The following MALT1 variants were observed in gnomAD, a reference collection of about 807,000 sequenced individuals.
MALT1 encodes the protein mucosa-associated lymphoid tissue lymphoma translocation protein 1.
In MALT1, 36 loss-of-function variants were observed where a neutral mutation model predicts 85.5. That is an observed-to-expected ratio of 0.42 (90% CI 0.32 to 0.56). The LOEUF is 0.56. Among genes scored for constraint, MALT1 ranks in the 20% least tolerant of loss-of-function variants. The probability of loss-of-function intolerance (pLI) is 0.10; values close to 1 mark genes in which losing one functional copy is unlikely to be tolerated. For missense variants in MALT1, 716 were observed against 981.6 expected, an observed-to-expected ratio of 0.73 and a Z score of 3.62; for synonymous variants, 359 against 361.3, an observed-to-expected ratio of 0.99 and a Z score of 0.07.
intron 2 of MALT1, among the ~76,000 whole-genome samples, chr18:58,694,533 A>G (rs984298830): frequency 5.3e-5 from 8 of 152,236 alleles, no homozygotes; most frequent in African/African-American, 1.7e-4. Context: ...AGTTTTAATT[A>G]TCTTTTTCTT....
At position 58,753,850 on chromosome 18, in the gene MALT1, A is replaced by C. The variant is rs1323980118; in HGVS notation, c.*6008A>C. The C allele has an allele frequency of 6.6e-6, 1 of 152,250 alleles. No individual in the cohort carries two copies. The highest frequency in any genetic ancestry group is 1.5e-5 in the Non-Finnish European group (1 of 68,042). 9.4% of individuals were successfully genotyped at this position (152,250 alleles called of 1,614,324 possible). On this transcript the variant is annotated 3_prime_UTR_variant, in exon 17 of 17. Coordinates refer to ENST00000649217, the MANE Select transcript of MALT1 (RefSeq NM_006785.4). ...CAGTTTAAAAGTACAGTGTCATTAC[A>C]GAGTGCTTATTCTGTTACAAAATTA...
Position 58,733,584 on chromosome 18 carries a change from C to T in MALT1, c.1400+10C>T. The T allele has an allele frequency of 6.4e-7, 1 of 1,559,518 alleles. No homozygotes were observed. On this transcript the variant is annotated intron_variant, in intron 11 of 16. Transcript: ENST00000649217. ...ATATGTGTAGGAAAAGGTAAGTTTTCTAATCTTTATTAAAGAATTGTTGGA... is the reference window on the plus strand; with the variant it reads ...ATATGTGTAGGAAAAGGTAAGTTTTTTAATCTTTATTAAAGAATTGTTGGA...
In MALT1 at chr18:58,747,388, A is replaced by AT. The variant is rs758288645; in HGVS notation, c.2038-10dup. The stretch of plus-strand genomic sequence containing the variant: ...ACTGTTGATGCCAATAATAAACCAG[A>AT]TTTTTTTCCTTTTCAGGAACATCTA... On this transcript the variant is annotated splice_polypyrimidine_tract_variant and intron_variant, in intron 16 of 16. Coordinates refer to ENST00000649217, the MANE Select transcript of MALT1 (RefSeq NM_006785.4). 12 of 1,558,760 alleles carry AT rather than the reference A, an allele frequency of 7.7e-6. No individual in the cohort carries two copies. Among genetic ancestry groups the AT allele is most frequent in the Admixed American group, 7.0e-5 (4 of 57,308 alleles).
intron 4 of MALT1, among the ~76,000 whole-genome samples, chr18:58,701,369 AC>A (rs2054670163): frequency 6.6e-6 from 1 of 152,022 alleles, no homozygotes; most frequent in Non-Finnish European, 1.5e-5. Flanking sequence ...CATCTTGAAT[AC>A]CTTTTCTGTC....
chr18:58,695,871 G>A (rs1311382294), intron 2 of MALT1, among the ~76,000 whole-genome samples: 1 of 152,218 alleles, frequency 6.6e-6, no homozygotes, highest in African/African-American at 2.4e-5. Flanking sequence ...GAATTTGGGG[G>A]CACATATTCA....
intron 16 of MALT1, among the ~76,000 whole-genome samples, chr18:58,746,900 T>G (rs1206109975): frequency 6.6e-6 from 1 of 152,112 alleles, no homozygotes; most frequent in East Asian, 1.9e-4. Flanking sequence ...GTTAATTTTT[T>G]GTATTTTTAG....
At chr18:58,741,306 TA>T (rs888513817) in intron 13 of MALT1, 10 of 152,232 alleles carry the variant, frequency 6.6e-5, no homozygotes, top group African/African-American at 2.4e-4. Context: ...TTATCTTTTT[TA>T]AAAAAATTGT....
chr18:58,718,155 G>C (rs1201503985), intron 9 of MALT1, among the ~76,000 whole-genome samples: 1 of 152,154 alleles, frequency 6.6e-6, no homozygotes, highest in Non-Finnish European at 1.5e-5. Context: ...ATTATACAAT[G>C]TAGTAGTTGA....
chr18:58,727,637 T>G (rs2055082021), intron 10 of MALT1, among the ~76,000 whole-genome samples: 1 of 150,610 alleles, frequency 6.6e-6, no homozygotes, highest in Non-Finnish European at 1.5e-5. Context: ...TGTTTTTTTT[T>G]TTTTTGAGGA....
chr18:58,675,808 C>T (rs2054231135), intron 1 of MALT1, among the ~76,000 whole-genome samples: 1 of 152,206 alleles, frequency 6.6e-6, no homozygotes, highest in Admixed American at 6.5e-5. Context: ...CATTTCTCTG[C>T]TTTGAACTCC....
chr18:58,737,498 A>G (rs957966243), intron 13 of MALT1, among the ~76,000 whole-genome samples: 1 of 152,050 alleles, frequency 6.6e-6, no homozygotes, highest in Admixed American at 6.6e-5. Flanking sequence ...AAAAAAAGAA[A>G]ATTCCAGAGG....
rs1029329442 is a variant in MALT1 at position 58,750,291 on chromosome 18, T to C, written c.*2449T>C. The C allele has an allele frequency of 1.9e-5, 3 of 161,062 alleles. No individual in the cohort carries two copies. Among genetic ancestry groups the C allele is most frequent in the African/African-American group, 7.2e-5 (3 of 41,844 alleles). 10.0% of individuals were successfully genotyped at this position (161,062 alleles called of 1,614,324 possible). A position where few individuals can be genotyped will look rare whatever the true frequency, so the allele number is the denominator to read the frequency against. ...ATAAATGGAAAGACATCCATGTTCA[T>C]GGATTGGAAGACTGAATATTGGTAA... is the stretch of plus-strand genomic sequence containing the variant. On this transcript the variant is annotated 3_prime_UTR_variant, in exon 17 of 17. Transcript: ENST00000649217.
Position 58,727,127 on chromosome 18 carries a change from G to A in MALT1, c.1222+3876G>A, listed in dbSNP as rs536693045. On this transcript the variant is annotated intron_variant, in intron 10 of 16. Coordinates refer to ENST00000649217, the MANE Select transcript of MALT1 (RefSeq NM_006785.4). ...AAATATTGTACCTATTATTGTTGTC[G>A]TTTCCTGTCAATTTATTAAAGACAT... is the stretch of plus-strand genomic sequence containing the variant. Among the ~76,000 whole-genome samples the A allele has an allele frequency of 1.4e-4, 22 of 152,200 alleles. No homozygotes were observed. In the South Asian group the frequency reaches 2.5e-3, roughly 17 times the overall value.
chr18:58,730,903 A>G (rs1157408972), intron 10 of MALT1, among the ~76,000 whole-genome samples: 1 of 152,136 alleles, frequency 6.6e-6, no homozygotes, highest in Non-Finnish European at 1.5e-5. Context: ...CCACTCATAT[A>G]TCCTCTTTGG....
At chr18:58,699,313 A>C (rs1348895484) in intron 3 of MALT1, among the ~76,000 whole-genome samples, 2 of 152,238 alleles carry the variant, frequency 1.3e-5, no homozygotes, top group African/African-American at 4.8e-5. Flanking sequence ...AAGAGTATAC[A>C]TCAATAGTCT....
chr18:58,723,027 C>G (rs770562276), intron 9 of MALT1, 21 bp from the exon 10 acceptor site: 1 of 1,576,384 alleles, frequency 6.3e-7, no homozygotes, highest in South Asian at 1.1e-5. Flanking sequence ...TTTAAACACC[C>G]CCTTTCTTTT....
At chr18:58,699,426 G>A (rs2054640457) in intron 3 of MALT1, among the ~76,000 whole-genome samples, 2 of 152,174 alleles carry the variant, frequency 1.3e-5, no homozygotes, top group South Asian at 2.1e-4. Context: ...CTCTTGCTTT[G>A]GTGTAGGTAC....
intron 10 of MALT1, among the ~76,000 whole-genome samples, chr18:58,728,755 T>C (rs1280850110): frequency 6.6e-6 from 1 of 152,116 alleles, no homozygotes; most frequent in Non-Finnish European, 1.5e-5. Context: ...AGAGAAAAAA[T>C]ATTTTGGTGT....
intron 5 of MALT1, 71 bp from the exon 6 acceptor site, chr18:58,709,903 AAC>A (rs2054807960): frequency 1.0e-6 from 1 of 996,206 alleles, no homozygotes; most frequent in Non-Finnish European, 1.6e-6. Flanking sequence ...GTATTTTTAA[AAC>A]ACAAAATGAT....
Sources: gnomAD v4.1 joint callset for allele counts (sites outside exome capture counted in the v4.1 genomes callset) on GRCh38, gnomAD v4.1.1 for gene constraint, MANE v1.5 for transcripts, NCBI Gene and HGNC (gene_info 2026-07-23, HGNC 2026-07-21) for gene names.